Variants in RBFOX1 observed in about 807,000 individuals in gnomAD.
RBFOX1 encodes RNA binding protein fox-1 homolog 1.
In RBFOX1, 8 loss-of-function variants were observed where a neutral mutation model predicts 57.7. That is an observed-to-expected ratio of 0.14 (90% CI 0.08 to 0.25). The LOEUF is 0.25. Ranked by LOEUF, RBFOX1 falls within the 10% of genes least tolerant of loss-of-function variation. The probability of loss-of-function intolerance (pLI) is 1.00; values close to 1 mark genes in which losing one functional copy is unlikely to be tolerated. For synonymous variants in RBFOX1, 326 were observed against 222.4 expected (o/e 1.47, Z -4.15); for missense variants, 611 against 548.5 (o/e 1.11, Z -1.14).
rs559798850 is a variant in RBFOX1 at position 6,158,577 on chromosome 16, T to A, written c.-127+138585T>A. On this transcript the variant is annotated intron_variant, in intron 1 of 15. Coordinates refer to ENST00000550418, the MANE Select transcript of RBFOX1 (RefSeq NM_018723.4). ...TAATGTTCTAGCAAATGGAGTGGTG[T>A]TTTTTAGTTTCTTTTAAATTGTTTC... Among the ~76,000 whole-genome samples the A allele has an allele frequency of 6.6e-5, 10 of 152,280 alleles. No homozygotes were observed. In the South Asian group the frequency reaches 2.1e-3, roughly 32 times the overall value.
At chr16:5,582,067 G>C (rs552254116) in intron 2 of RBFOX1, among the ~76,000 whole-genome samples, 3 of 152,192 alleles carry the variant, frequency 2.0e-5, no homozygotes, top group Admixed American at 2.0e-4. Context: ...ATTCAAACTT[G>C]CAATTATTTC....
At chr16:6,777,681 C>G (rs1184931170) in intron 3 of RBFOX1, among the ~76,000 whole-genome samples, 1 of 151,982 alleles carries the variant, frequency 6.6e-6, no homozygotes, top group Non-Finnish European at 1.5e-5. Context: ...ATCTGTAGAC[C>G]TTGATGTTTT....
intron 3 of RBFOX1, among the ~76,000 whole-genome samples, chr16:6,747,421 A>AT (rs1414656774): frequency 6.7e-6 from 1 of 149,190 alleles, no homozygotes; most frequent in African/African-American, 2.5e-5. Flanking sequence ...AGAAAAAAAA[A>AT]ATCTATCAGT....
intron 4 of RBFOX1, among the ~76,000 whole-genome samples, chr16:7,135,353 A>G (rs967551050): frequency 6.6e-6 from 1 of 152,368 alleles, no homozygotes; most frequent in Middle Eastern, 3.4e-3. Context: ...TGCAGAAAGA[A>G]CACTGAGACT....
intron 2 of RBFOX1, among the ~76,000 whole-genome samples, chr16:5,470,636 A>G (rs952255370): frequency 2.0e-4 from 30 of 152,220 alleles, no homozygotes; most frequent in African/African-American, 7.0e-4. Context: ...CATCTGAGCA[A>G]CTGGGTCTCA....
At chr16:5,635,905 G>A (rs911123349) in intron 3 of RBFOX1, among the ~76,000 whole-genome samples, 1 of 152,180 alleles carries the variant, frequency 6.6e-6, no homozygotes, top group South Asian at 2.1e-4. Context: ...GGATGAAGGG[G>A]TGATATCAAA....
At chr16:6,773,938 T>C in intron 3 of RBFOX1, 1 of 985,410 alleles carries the variant, frequency 1.0e-6, no homozygotes, top group Non-Finnish European at 1.2e-6. Flanking sequence ...AGTGTGTTTG[T>C]GTGTGTGCAC....
chr16:6,821,120 A>G (rs74601230), intron 3 of RBFOX1, among the ~76,000 whole-genome samples: 4,480 of 152,310 alleles, frequency 0.029, 225 homozygotes, highest in East Asian at 0.16. Flanking sequence ...TTAAAAAACA[A>G]TAGTGATGAG....
At chr16:5,989,861 CACACACACACACACACACA>C (rs2060359071) in intron 4 of RBFOX1, among the ~76,000 whole-genome samples, 1 of 112,116 alleles carries the variant, frequency 8.9e-6, no homozygotes, top group African/African-American at 3.1e-5. Context: ...CACACACACA[CACACACACACACACACACA>C]CCACCCCTGT....
chr16:6,083,626 G>A (rs953897387), intron 1 of RBFOX1, among the ~76,000 whole-genome samples: 8 of 151,938 alleles, frequency 5.3e-5, no homozygotes, highest in East Asian at 1.9e-4. Context: ...ACAGACGTGC[G>A]CCACCACGCC....
chr16:6,895,448 G>GTGTGTGTATA (rs869028735), intron 3 of RBFOX1, among the ~76,000 whole-genome samples: 9 of 54,610 alleles, frequency 1.6e-4, no homozygotes, highest in Non-Finnish European at 2.7e-4. Context: ...GTGTGTGTGT[G>GTGTGTGTATA]TATATATATA....
chr16:6,071,691 C>G (rs951187651), intron 1 of RBFOX1, among the ~76,000 whole-genome samples: 2 of 152,142 alleles, frequency 1.3e-5, no homozygotes, highest in African/African-American at 4.8e-5. Context: ...ATCTCTAGAA[C>G]TAATTCATTT....
At chr16:7,441,975 G>A (rs979313244) in intron 4 of RBFOX1, among the ~76,000 whole-genome samples, 10 of 152,334 alleles carry the variant, frequency 6.6e-5, no homozygotes, top group African/African-American at 2.4e-4. Context: ...TTGCTGCCAT[G>A]CCTGAAGATT....
intron 4 of RBFOX1, among the ~76,000 whole-genome samples, chr16:7,491,004 T>C (rs2066793169): frequency 6.6e-6 from 1 of 152,182 alleles, no homozygotes; most frequent in African/African-American, 2.4e-5. Flanking sequence ...TGGAAAACTC[T>C]GAAAGCTGTC....
intron 1 of RBFOX1, among the ~76,000 whole-genome samples, chr16:5,356,911 A>G (rs1303690321): frequency 6.6e-6 from 1 of 152,202 alleles, no homozygotes; most frequent in Non-Finnish European, 1.5e-5. Context: ...TTGCTTTGTT[A>G]CCTGGCATTA....
intron 3 of RBFOX1, among the ~76,000 whole-genome samples, chr16:6,996,370 T>C (rs1257696376): frequency 6.6e-6 from 1 of 152,162 alleles, no homozygotes; most frequent in African/African-American, 2.4e-5. Flanking sequence ...TGTGCATGTG[T>C]GTGTGTGCAT....
intron 3 of RBFOX1, among the ~76,000 whole-genome samples, chr16:6,973,882 A>C (rs866197979): frequency 6.6e-6 from 1 of 152,120 alleles, no homozygotes; most frequent in African/African-American, 2.4e-5. Context: ...AGCTGTCATC[A>C]ACGTATTAAG....
At chr16:6,566,533 T>C (rs1308722302) in intron 2 of RBFOX1, among the ~76,000 whole-genome samples, 1 of 152,212 alleles carries the variant, frequency 6.6e-6, no homozygotes, top group Admixed American at 6.5e-5. Flanking sequence ...TTTCAAACCA[T>C]AGGCTGCTTA....
intron 1 of RBFOX1, among the ~76,000 whole-genome samples, chr16:6,120,297 G>C (rs2096539439): frequency 6.6e-6 from 1 of 152,224 alleles, no homozygotes; most frequent in South Asian, 2.1e-4. Context: ...ATACCTAGGA[G>C]TGGAATTGCT....
Sources: allele counts gnomAD v4.1 joint callset (sites outside exome capture counted in the v4.1 genomes callset), GRCh38; gene constraint gnomAD v4.1.1; transcripts MANE v1.5; gene names NCBI Gene and HGNC (gene_info 2026-07-23, HGNC 2026-07-21).